Variants in ARHGEF28 observed in about 807,000 individuals in gnomAD.
ARHGEF28 encodes the protein Rho guanine nucleotide exchange factor 28, also known as 190 kDa guanine nucleotide exchange factor.
Under a neutral mutation model 206.6 loss-of-function variants are expected in ARHGEF28, and 152 were observed. The ratio of observed to expected loss-of-function variants is 0.74; its 90% CI spans 0.64 to 0.84. ARHGEF28 has a LOEUF of 0.84. Ranked by LOEUF, ARHGEF28 falls within the 40% of genes least tolerant of loss-of-function variation. ARHGEF28 has a pLI of 0.00. For missense variants in ARHGEF28, 2,028 were observed against 2,073.2 expected (o/e 0.98, Z 0.42); for synonymous variants, 763 against 776.4 (o/e 0.98, Z 0.29).
intron 9 of ARHGEF28, among the ~76,000 whole-genome samples, chr5:73,796,858 G>A (rs981278278): frequency 6.6e-6 from 1 of 152,196 alleles, no homozygotes; most frequent in Non-Finnish European, 1.5e-5. Flanking sequence ...TGTTACTCAC[G>A]CACACAGGAT....
chr5:73,798,808 C>T (rs1754975551), intron 9 of ARHGEF28, among the ~76,000 whole-genome samples: 1 of 152,160 alleles, frequency 6.6e-6, no homozygotes, highest in Admixed American at 6.5e-5. Flanking sequence ...TAGGATCTGG[C>T]CAGGCGTGGT....
chr5:73,723,115 C>G (rs1217024167), intron 2 of ARHGEF28, among the ~76,000 whole-genome samples: 1 of 152,088 alleles, frequency 6.6e-6, no homozygotes. Flanking sequence ...TATTCCTGTC[C>G]CTGTTCTAGG....
At chr5:73,635,298 C>T (rs1413737886) in intron 1 of ARHGEF28, among the ~76,000 whole-genome samples, 2 of 152,068 alleles carry the variant, frequency 1.3e-5, no homozygotes, top group African/African-American at 4.8e-5. Context: ...GGGCCGAGAT[C>T]GCGTCATTGC....
At chr5:73,922,101 CT>C (rs1439035546) in intron 35 of ARHGEF28, among the ~76,000 whole-genome samples, 1 of 152,346 alleles carries the variant, frequency 6.6e-6, no homozygotes, top group East Asian at 1.9e-4. Flanking sequence ...AGCCTTAAGA[CT>C]TTCTTGTGGA....
intron 1 of ARHGEF28, among the ~76,000 whole-genome samples, chr5:73,645,633 G>C (rs1468093400): frequency 6.6e-6 from 1 of 152,174 alleles, no homozygotes; most frequent in Non-Finnish European, 1.5e-5. Context: ...TTGTAAGCTA[G>C]TTGGGATGTG....
At chr5:73,707,422 A>G (rs1420759155) in intron 2 of ARHGEF28, among the ~76,000 whole-genome samples, 1 of 152,202 alleles carries the variant, frequency 6.6e-6, no homozygotes, top group Non-Finnish European at 1.5e-5. Flanking sequence ...GCCTCTGTCC[A>G]GGAAATGGCA....
At chr5:73,828,728 CTGTCTTTCTCTT>C (rs1757089218) in intron 9 of ARHGEF28, among the ~76,000 whole-genome samples, 1 of 149,078 alleles carries the variant, frequency 6.7e-6, no homozygotes, top group Non-Finnish European at 1.5e-5. Flanking sequence ...TTCTTTCTCT[CTGTCTTTCTCTT>C]TCTTTCTCTC....
chr5:73,667,547 C>A (rs1746032906), intron 1 of ARHGEF28, among the ~76,000 whole-genome samples: 1 of 152,204 alleles, frequency 6.6e-6, no homozygotes, highest in South Asian at 2.1e-4. Context: ...CAGGGTCATT[C>A]TCCCATCATC....
intron 6 of ARHGEF28, among the ~76,000 whole-genome samples, chr5:73,777,860 C>A (rs1468676121): frequency 6.6e-6 from 1 of 152,084 alleles, no homozygotes; most frequent in African/African-American, 2.4e-5. Flanking sequence ...GTGGGTGGAT[C>A]ATGAGGTCAG....
At position 73,749,650 on chromosome 5, in the gene ARHGEF28, C is replaced by T. The variant is rs189410488; in HGVS notation, c.34-187C>T. On this transcript the variant is annotated intron_variant, in intron 2 of 35. Transcript: ENST00000513042. Reference sequence around the variant, plus strand: ...CAGCTCTGATACCCATACCTAAATACATCAGGAAGCATCTTCCCTAATGTC... The same window carrying T: ...CAGCTCTGATACCCATACCTAAATATATCAGGAAGCATCTTCCCTAATGTC... Among the ~76,000 whole-genome samples, 6 of 152,326 alleles carry T rather than the reference C, an allele frequency of 3.9e-5. No individual in the cohort carries two copies. The East Asian group carries it at 1.2e-3, about 29-fold the overall frequency.
intron 1 of ARHGEF28, among the ~76,000 whole-genome samples, chr5:73,670,261 G>A (rs1391557290): frequency 1.3e-5 from 2 of 152,022 alleles, no homozygotes; most frequent in African/African-American, 2.4e-5. Context: ...TAACCTTTAG[G>A]ATTGGCTTTT....
intron 1 of ARHGEF28, among the ~76,000 whole-genome samples, chr5:73,647,960 A>G (rs1744545686): frequency 6.6e-6 from 1 of 152,230 alleles, no homozygotes. Flanking sequence ...CAGTACATTG[A>G]TACATTTTAG....
intron 4 of ARHGEF28, among the ~76,000 whole-genome samples, chr5:73,755,388 A>G (rs1424923303): frequency 6.6e-6 from 1 of 152,098 alleles, no homozygotes; most frequent in Admixed American, 6.5e-5. Flanking sequence ...GAAGAGCATC[A>G]CAGCCTCACG....
At chr5:73,928,701 T>C (rs1763951560) in intron 35 of ARHGEF28, among the ~76,000 whole-genome samples, 1 of 152,164 alleles carries the variant, frequency 6.6e-6, no homozygotes, top group South Asian at 2.1e-4. Context: ...AGAAATGAAT[T>C]TGATTTTTCT....
In ARHGEF28 at chr5:73,868,106, G is replaced by C. The variant is rs1759829034; in HGVS notation, c.2304G>C (p.Arg768Ser). 6.2e-7 allele frequency: 1 copy of C among 1,612,140 alleles called. No individual in the cohort carries two copies. The highest frequency in any genetic ancestry group is 1.1e-5 in the South Asian group (1 of 90,610). Residue 768 changes from arginine (R) to serine (S), a missense_variant, in exon 20 of 36, where the codon AGG becomes AGC. By Grantham distance (110) the Arg-to-Ser change is moderately radical. This residue lies in a region of ARHGEF28 where 1,002 missense variants were observed against 1,015.3 expected (regional missense o/e 0.99). Transcript: ENST00000513042. Reference sequence around the variant, plus strand: ...TCCCCTCCCTCTCTCCTAGCTTCAGGAGGTCAGCCACATCCTTGGAGTCTG... The same window carrying C: ...TCCCCTCCCTCTCTCCTAGCTTCAGCAGGTCAGCCACATCCTTGGAGTCTG... ...SVPGTTLESF[R>S]RSATSLESES...
At chr5:73,762,444 A>G (rs1752651046) in intron 4 of ARHGEF28, among the ~76,000 whole-genome samples, 1 of 145,278 alleles carries the variant, frequency 6.9e-6, no homozygotes, top group Admixed American at 6.9e-5. Context: ...TGACAAAGCA[A>G]GACTCCCTCT....
chr5:73,774,052 C>T lies in ARHGEF28; in HGVS notation c.659+14C>T. On this transcript the variant is annotated intron_variant, in intron 5 of 35. Transcript: ENST00000513042. Reference sequence around the variant, plus strand: ...AGACGTCACAAAGTGAGTTTAGCTACTTGATAGTCTCTCTCTTATTTGTAT... The same window carrying T: ...AGACGTCACAAAGTGAGTTTAGCTATTTGATAGTCTCTCTCTTATTTGTAT... The T allele has an allele frequency of 6.4e-7, 1 of 1,563,302 alleles. No individual in the cohort carries two copies.
intron 1 of ARHGEF28, among the ~76,000 whole-genome samples, chr5:73,655,784 C>T (rs1224318100): frequency 6.6e-6 from 1 of 152,128 alleles, no homozygotes; most frequent in Non-Finnish European, 1.5e-5. Flanking sequence ...ATTAGAAAAC[C>T]TGAACATGTT....
At chr5:73,700,689 C>T (rs1482709372) in intron 2 of ARHGEF28, among the ~76,000 whole-genome samples, 1 of 152,130 alleles carries the variant, frequency 6.6e-6, no homozygotes, top group Non-Finnish European at 1.5e-5. Flanking sequence ...ACACGAAGTA[C>T]ATTGATTGGA....
Sources: allele counts gnomAD v4.1 joint callset (sites outside exome capture counted in the v4.1 genomes callset), GRCh38; gene constraint gnomAD v4.1.1; regional missense constraint gnomAD v4.1.1; transcripts MANE v1.5; gene names NCBI Gene and HGNC (gene_info 2026-07-23, HGNC 2026-07-21).